DYNC2H1: variants seen among roughly 807,000 people sequenced by gnomAD.
The protein encoded by DYNC2H1 is dynein cytoplasmic 2 heavy chain 1.
DYNC2H1 carries 410 observed loss-of-function variants against 570.0 expected under a neutral mutation model. That is an observed-to-expected ratio of 0.72 (90% CI 0.66 to 0.78). DYNC2H1 has a LOEUF of 0.78. DYNC2H1 is among the 30% of genes least tolerant of loss of function. The probability of loss-of-function intolerance (pLI) is 0.00; values close to 1 mark genes in which losing one functional copy is unlikely to be tolerated. For synonymous variants in DYNC2H1, 1,688 were observed against 1,677.6 expected, an observed-to-expected ratio of 1.01 and a Z score of -0.15; for missense variants, 4,865 against 5,046.4, an observed-to-expected ratio of 0.96 and a Z score of 1.09.
intron 65 of DYNC2H1, among the ~76,000 whole-genome samples, chr11:103,250,986 G>C (rs1383822084): frequency 6.6e-6 from 1 of 151,992 alleles, no homozygotes; most frequent in African/African-American, 2.4e-5. Flanking sequence ...TATGGAACTT[G>C]AAAATTGTAT....
intron 75 of DYNC2H1, 127 bp from the exon 76 acceptor site, chr11:103,302,966 A>G (rs1347572121): frequency 1.5e-6 from 1 of 645,418 alleles, no homozygotes; most frequent in Non-Finnish European, 2.2e-6. Flanking sequence ...GAGTAGAAAA[A>G]CTTTAATGTA....
intron 88 of DYNC2H1, among the ~76,000 whole-genome samples, chr11:103,473,878 T>C (rs1335558184): frequency 4.6e-5 from 7 of 152,292 alleles, no homozygotes; most frequent in Admixed American, 1.3e-4. Flanking sequence ...ACAATTCAGC[T>C]TCAGAAAAAA....
chr11:103,114,762 A>G (rs1432641620), intron 3 of DYNC2H1, among the ~76,000 whole-genome samples: 1 of 152,146 alleles, frequency 6.6e-6, no homozygotes, highest in Non-Finnish European at 1.5e-5. Context: ...GTTTAAAGAC[A>G]CTTTAATTTG....
Position 103,410,912 on chromosome 11 carries a change from G to A in DYNC2H1, c.12366+11040G>A, listed in dbSNP as rs74507710. ...TAAATATTTATCACTGCTGTTTCCC[G>A]TGGGGGTGTGGTTGAGCAAAGTATT... is the stretch of plus-strand genomic sequence containing the variant. On this transcript the variant is annotated intron_variant, in intron 84 of 88. Coordinates refer to ENST00000375735, the MANE Select transcript of DYNC2H1 (RefSeq NM_001377.3). Among the ~76,000 whole-genome samples the A allele has an allele frequency of 3.3e-3, 508 of 152,182 alleles. 2 individuals are homozygous for A. The highest frequency in any genetic ancestry group is 5.5e-3 in the Non-Finnish European group (377 of 68,010).
intron 36 of DYNC2H1, among the ~76,000 whole-genome samples, chr11:103,175,664 A>G (rs544677701): frequency 3.3e-5 from 5 of 152,322 alleles, no homozygotes; most frequent in Admixed American, 1.3e-4. Flanking sequence ...CCAAATTTGA[A>G]CAAGGCTGAT....
intron 68 of DYNC2H1, among the ~76,000 whole-genome samples, chr11:103,257,375 G>T (rs1009407626): frequency 2.6e-5 from 4 of 152,288 alleles, no homozygotes; most frequent in South Asian, 4.1e-4. Context: ...AGCCTTAATA[G>T]ACTAAGACAT....
rs1383674031 is a variant in DYNC2H1, at chr11:103,256,114, C to G, written c.10335C>G (p.Ala3445=). 41 of 1,601,802 alleles carry G rather than the reference C, an allele frequency of 2.6e-5. No homozygotes were observed. Among genetic ancestry groups the G allele is most frequent in the Non-Finnish European group, 3.4e-5 (40 of 1,173,194 alleles). Residue 3445 remains alanine (A), a synonymous_variant, in exon 68 of 89, where the codon GCC becomes GCG. Transcript: ENST00000375735. This position sits in a 1 kb window ranked among gnomAD's most constrained non-coding sequence, Gnocchi z 4.0. The stretch of plus-strand genomic sequence containing the variant: ...GTTAACTTTCCCTACAGACACTTGC[C>G]ACATCTCAAGGCAATATTTTGGAAA... The part of the protein sequence containing the change: ...KLEESLLETL[A]TSQGNILENK...
chr11:103,270,230 A>G (rs903902860), intron 70 of DYNC2H1, among the ~76,000 whole-genome samples: 3 of 151,548 alleles, frequency 2.0e-5, no homozygotes, highest in Non-Finnish European at 4.4e-5. Context: ...AAAAGAAAGA[A>G]AATGGTTGGA....
chr11:103,459,045 C>T (rs947903263), intron 87 of DYNC2H1, among the ~76,000 whole-genome samples: 3 of 151,742 alleles, frequency 2.0e-5, no homozygotes, highest in Non-Finnish European at 4.4e-5. Context: ...CGCGGTGGCT[C>T]ACGCCTGTAA....
chr11:103,121,940 G>T (rs1043570857), intron 10 of DYNC2H1, among the ~76,000 whole-genome samples: 1 of 151,720 alleles, frequency 6.6e-6, no homozygotes, highest in Non-Finnish European at 1.5e-5. Flanking sequence ...GACAGAAAGA[G>T]ATGCTATCTC....
intron 54 of DYNC2H1, among the ~76,000 whole-genome samples, chr11:103,214,968 T>C (rs73583151): frequency 0.14 from 20,885 of 152,114 alleles, 1,542 homozygotes; most frequent in Middle Eastern, 0.23. Flanking sequence ...TATTGATGTA[T>C]AGAAACATTG....
At chr11:103,434,475 C>T (rs1466760854) in intron 84 of DYNC2H1, among the ~76,000 whole-genome samples, 3 of 144,108 alleles carry the variant, frequency 2.1e-5, no homozygotes, top group East Asian at 2.0e-4. Flanking sequence ...CTCTAGTATT[C>T]TTCTAGAAGT....
intron 70 of DYNC2H1, among the ~76,000 whole-genome samples, chr11:103,274,709 A>G (rs1196174783): frequency 1.3e-5 from 2 of 152,170 alleles, no homozygotes; most frequent in Non-Finnish European, 2.9e-5. Context: ...TCATATACAT[A>G]TTAGTTGGTT....
chr11:103,358,337 A>C lies in DYNC2H1; in HGVS notation c.12134A>C (p.Asn4045Thr). The C allele has an allele frequency of 6.3e-7, 1 of 1,578,446 alleles. No individual in the cohort carries two copies. The highest frequency in any genetic ancestry group is 8.6e-7 in the Non-Finnish European group (1 of 1,159,852). ...TCTAATGAACTTTCTCCTGTCCTCA[A>C]TCTCTGGAAGAAACTAAACCAGGTT... ...IWSNELSPVL[N>T]LWKKLNQNSN... The change falls in exon 83 of 89, where the codon AAT (asparagine) becomes ACT (threonine). Residue 4045 changes from asparagine (N) to threonine (T), a missense_variant. This residue lies in a region of DYNC2H1 where 2,401 missense variants were observed against 2,454.6 expected (regional missense o/e 0.98). Transcript: ENST00000375735.
intron 45 of DYNC2H1, among the ~76,000 whole-genome samples, chr11:103,190,497 G>A (rs1309151221): frequency 6.6e-6 from 1 of 152,144 alleles, no homozygotes; most frequent in African/African-American, 2.4e-5. Flanking sequence ...TTGTTAAGGA[G>A]GAGGTGAAGT....
Position 103,215,753 on chromosome 11 carries a change from T to C in DYNC2H1, c.8727T>C (p.Ala2909=). Residue 2909 remains alanine, a synonymous_variant, in exon 55 of 89, where the codon GCT becomes GCC. Coordinates refer to ENST00000375735, the MANE Select transcript of DYNC2H1 (RefSeq NM_001377.3). ...TATCTAAACTAAATGAAGCTAAAGC[T>C]CTTGTGGATGAACTGAACAGAAAAG... The part of the protein sequence containing the change: ...AGVSKLNEAK[A]LVDELNRKAG... The C allele has an allele frequency of 6.2e-7, 1 of 1,611,182 alleles. No homozygotes were observed. The highest frequency in any genetic ancestry group is 8.5e-7 in the Non-Finnish European group (1 of 1,178,546).
At chr11:103,136,495 G>A (rs1020268983) in intron 17 of DYNC2H1, among the ~76,000 whole-genome samples, 18 of 151,434 alleles carry the variant, frequency 1.2e-4, no homozygotes, top group East Asian at 3.9e-4. Context: ...TTGTTCTTGC[G>A]ATAGTTTACT....
intron 59 of DYNC2H1, among the ~76,000 whole-genome samples, chr11:103,223,348 G>T (rs1489328093): frequency 2.0e-5 from 3 of 152,056 alleles, no homozygotes; most frequent in African/African-American, 7.2e-5. Flanking sequence ...TTTAGAAGGA[G>T]CCAAAGTTTC....
At position 103,233,293 on chromosome 11, in the gene DYNC2H1, GTTT is replaced by G. The variant is rs10600715; in HGVS notation, c.9441-730_9441-728del. Among the ~76,000 whole-genome samples, 1,337 of 148,848 alleles carry G rather than the reference GTTT, an allele frequency of 9.0e-3. 16 individuals are homozygous for G. Among genetic ancestry groups the G allele is most frequent in the African/African-American group, 0.029 (1,188 of 40,798 alleles). On this transcript the variant is annotated intron_variant, in intron 60 of 88. Transcript: ENST00000375735. Reference sequence around the variant, plus strand: ...AACTGTTCTGGAGAATTAAATGCTGGTTTTTTTTTTTTTGATGCTTGGCACCAC... The same window carrying G: ...AACTGTTCTGGAGAATTAAATGCTGGTTTTTTTTTTGATGCTTGGCACCAC...
Sources: gnomAD v4.1 joint callset for allele counts (sites outside exome capture counted in the v4.1 genomes callset) on GRCh38, gnomAD v4.1.1 for gene constraint, gnomAD v4.1.1 regional missense constraint, Gnocchi (gnomAD v3.1) non-coding constraint, MANE v1.5 for transcripts, NCBI Gene and HGNC (gene_info 2026-07-23, HGNC 2026-07-21) for gene names.